Variants in CIMIP1 observed in about 807,000 individuals in gnomAD.
CIMIP1 encodes the protein low in lung cancer 1.
the CIMIP1 span, chr20:58,150,913 G>A: frequency 3.9e-6 from 6 of 1,551,828 alleles, no homozygotes; most frequent in Non-Finnish European, 5.2e-6. Context: ...GGAGACGCGA[G>A]ACGCTGAGCC....
chr20:58,158,671 G>T, the CIMIP1 span, among the ~76,000 whole-genome samples: 1 of 151,906 alleles, frequency 6.6e-6, no homozygotes, highest in Non-Finnish European at 1.5e-5. Flanking sequence ...AATGGTAGCT[G>T]GTTTCCTTCT....
the CIMIP1 span, chr20:58,153,411 C>G: frequency 1.5e-6 from 1 of 671,012 alleles, no homozygotes; most frequent in South Asian, 1.8e-5. Context: ...GGTTCTCACG[C>G]TGTCTGGCTC....
chr20:58,151,306 AT>A, the CIMIP1 span, among the ~76,000 whole-genome samples: 1 of 150,916 alleles, frequency 6.6e-6, no homozygotes, highest in Non-Finnish European at 1.5e-5. Context: ...ATCAGCAGAG[AT>A]TGGCTTGTTG....
chr20:58,154,007 T>C, the CIMIP1 span, among the ~76,000 whole-genome samples: 1 of 152,168 alleles, frequency 6.6e-6, no homozygotes, highest in African/African-American at 2.4e-5. Flanking sequence ...AGACTTCCCA[T>C]CTGTAAAGTG....
chr20:58,153,062 T>C, the CIMIP1 span, among the ~76,000 whole-genome samples: 1 of 152,280 alleles, frequency 6.6e-6, no homozygotes, highest in African/African-American at 2.4e-5. Context: ...ATATAAACAA[T>C]ATTAGCATGG....
At chr20:58,157,246 A>G in the CIMIP1 span, among the ~76,000 whole-genome samples, 1 of 152,098 alleles carries the variant, frequency 6.6e-6, no homozygotes, top group Non-Finnish European at 1.5e-5. Flanking sequence ...ACTGCTTTAC[A>G]TTGGGTGTCT....
At chr20:58,155,401 G>T in the CIMIP1 span, 1 of 1,321,930 alleles carries the variant, frequency 7.6e-7, no homozygotes, top group Admixed American at 1.9e-5. Flanking sequence ...CGTCTCTGGG[G>T]ATTCTGTTTC....
chr20:58,153,016 G>A, the CIMIP1 span, among the ~76,000 whole-genome samples: 5 of 152,122 alleles, frequency 3.3e-5, no homozygotes, highest in Non-Finnish European at 4.4e-5. Context: ...ACGTGGGCTC[G>A]TCTACTGCAA....
At chr20:58,153,762 G>A in the CIMIP1 span, 61 of 664,504 alleles carry the variant, frequency 9.2e-5, no homozygotes, top group African/African-American at 8.5e-4. Flanking sequence ...TAAACCAGAA[G>A]GTTCCCGCCT....
At chr20:58,160,666 T>C in the CIMIP1 span, 1 of 1,613,256 alleles carries the variant, frequency 6.2e-7, no homozygotes, top group South Asian at 1.1e-5. Flanking sequence ...TCCAGGTCTT[T>C]CCATCCCCCC....
chr20:58,157,554 T>C, the CIMIP1 span, among the ~76,000 whole-genome samples: 1 of 152,248 alleles, frequency 6.6e-6, no homozygotes, highest in Non-Finnish European at 1.5e-5. Flanking sequence ...TGGACATCTT[T>C]CCATGCAGTT....
chr20:58,155,494 C>T, the CIMIP1 span: 46 of 1,613,976 alleles, frequency 2.9e-5, no homozygotes, highest in South Asian at 2.0e-4. Flanking sequence ...AAGATCTCCC[C>T]ACCCCAAAGC....
the CIMIP1 span, among the ~76,000 whole-genome samples, chr20:58,155,781 G>T: frequency 1.3e-5 from 2 of 152,212 alleles, no homozygotes; most frequent in African/African-American, 4.8e-5. Context: ...CAAGCACCAT[G>T]ACCTCCTGCT....
At chr20:58,155,544 T>C in the CIMIP1 span, 1 of 1,614,024 alleles carries the variant, frequency 6.2e-7, no homozygotes, top group South Asian at 1.1e-5. Flanking sequence ...ATCCGGCCGG[T>C]GACCCCAGTG....
At chr20:58,160,229 G>A in the CIMIP1 span, among the ~76,000 whole-genome samples, 15 of 152,232 alleles carry the variant, frequency 9.9e-5, 1 homozygote, top group African/African-American at 2.9e-4. Flanking sequence ...TGATCTCCAC[G>A]GTTTGGAGTG....
chr20:58,159,514 A>G, the CIMIP1 span, among the ~76,000 whole-genome samples: 1 of 6,936 alleles, frequency 1.4e-4, no homozygotes, highest in Non-Finnish European at 1.4e-3. Context: ...GACTCCGTCT[A>G]AAAAAAGGAA....
At chr20:58,160,264 G>A in the CIMIP1 span, among the ~76,000 whole-genome samples, 311 of 152,168 alleles carry the variant, frequency 2.0e-3, no homozygotes, top group East Asian at 7.1e-3. Flanking sequence ...GATGCATTTC[G>A]TAGAGGCTTC....
the CIMIP1 span, chr20:58,153,551 C>G: frequency 6.2e-7 from 1 of 1,613,992 alleles, no homozygotes; most frequent in Non-Finnish European, 8.5e-7. Flanking sequence ...CAGGAAATAC[C>G]GTCTGAAGGC....
chr20:58,156,755 A>G, the CIMIP1 span, among the ~76,000 whole-genome samples: 4 of 152,178 alleles, frequency 2.6e-5, no homozygotes. Context: ...GTTGAGCTCC[A>G]TATGTCTCAT....
Sources: gnomAD v4.1 joint callset for allele counts (sites outside exome capture counted in the v4.1 genomes callset) on GRCh38, gnomAD v4.1.1 for gene constraint, MANE v1.5 for transcripts, NCBI Gene and HGNC (gene_info 2026-07-23, HGNC 2026-07-21) for gene names.